LMO7: variants seen among roughly 807,000 people sequenced by gnomAD.
The protein encoded by LMO7 is LIM domain only protein 7.
LMO7 carries 120 observed loss-of-function variants against 206.5 expected under a neutral mutation model. The observed-to-expected ratio is 0.58, with a 90% CI of 0.50 to 0.68. The LOEUF (loss-of-function observed/expected upper bound fraction) is 0.68. Ranked by LOEUF, LMO7 falls within the 30% of genes least tolerant of loss-of-function variation. LMO7 has a pLI of 0.00. For synonymous variants in LMO7, 706 were observed against 681.5 expected (o/e 1.04, Z -0.56); for missense variants, 1,959 against 1,957.9 (o/e 1.00, Z -0.01).
intron 4 of LMO7, among the ~76,000 whole-genome samples, chr13:75,786,910 C>T (rs2052533596): frequency 6.6e-6 from 1 of 152,202 alleles, no homozygotes; most frequent in Admixed American, 6.5e-5. Context: ...AGTTACCTAG[C>T]ATTATCACCT....
chr13:75,675,336 A>T (rs945977838), intron 1 of LMO7, among the ~76,000 whole-genome samples: 1 of 152,112 alleles, frequency 6.6e-6, no homozygotes, highest in Non-Finnish European at 1.5e-5. Flanking sequence ...GACCTCCCAA[A>T]GTTTTGGGAT....
intron 15 of LMO7, among the ~76,000 whole-genome samples, chr13:75,828,045 A>G (rs1299274592): frequency 2.0e-5 from 3 of 152,344 alleles, no homozygotes; most frequent in Admixed American, 6.5e-5. Flanking sequence ...GCATCTGTAC[A>G]TGTTCACTGA....
At chr13:75,678,649 C>T (rs2040227787) in intron 1 of LMO7, among the ~76,000 whole-genome samples, 1 of 152,146 alleles carries the variant, frequency 6.6e-6, no homozygotes, top group Non-Finnish European at 1.5e-5. Flanking sequence ...ACCAGCTCTC[C>T]TCCTCTCAGT....
At position 75,699,660 on chromosome 13, in the gene LMO7, C is replaced by T. The variant is rs2042146066; in HGVS notation, c.70-13522C>T. Among the ~76,000 whole-genome samples, 3 of 152,108 alleles carry T rather than the reference C, an allele frequency of 2.0e-5. No individual in the cohort carries two copies. The South Asian group carries it at 6.2e-4, about 31-fold the overall frequency. ...GGGCGTGGGTCACAGAGATCGCATG[C>T]TTCAGAAGGCAATAAAATATCACAA... On this transcript the variant is annotated intron_variant, in intron 1 of 30. Coordinates refer to ENST00000377534, the MANE Select transcript of LMO7 (RefSeq NM_001306080.2).
intron 13 of LMO7, 83 bp from the exon 14 acceptor site, chr13:75,821,094 G>A (rs1258544754): frequency 7.8e-6 from 8 of 1,020,888 alleles, no homozygotes; most frequent in Middle Eastern, 2.1e-4. Flanking sequence ...TTCCCAGTCC[G>A]TTTCATGCGT....
intron 3 of LMO7, among the ~76,000 whole-genome samples, chr13:75,743,995 G>T (rs566180338): frequency 2.0e-5 from 3 of 152,164 alleles, no homozygotes; most frequent in Non-Finnish European, 4.4e-5. Flanking sequence ...TATCCAGTAT[G>T]AATAAACTGA....
intron 12 of LMO7, among the ~76,000 whole-genome samples, chr13:75,818,737 C>A (rs1039002124): frequency 6.6e-6 from 1 of 152,174 alleles, no homozygotes; most frequent in African/African-American, 2.4e-5. Flanking sequence ...TAAAGCCTTT[C>A]CAAAGCCTTC....
intron 3 of LMO7, among the ~76,000 whole-genome samples, chr13:75,735,227 G>A (rs2045691370): frequency 6.6e-6 from 1 of 150,854 alleles, no homozygotes; most frequent in African/African-American, 2.4e-5. Flanking sequence ...TCATTCTCAT[G>A]CTGTGACTCT....
At chr13:75,808,996 A>G (rs185054083) in intron 10 of LMO7, among the ~76,000 whole-genome samples, 158 bp from the exon 11 acceptor site, 19 of 152,362 alleles carry the variant, frequency 1.2e-4, no homozygotes, top group African/African-American at 1.9e-4. Context: ...TAGGAAATTG[A>G]TGAGAACTTG....
At chr13:75,655,841 C>G (rs556595184) in intron 1 of LMO7, among the ~76,000 whole-genome samples, 1 of 151,962 alleles carries the variant, frequency 6.6e-6, no homozygotes, top group East Asian at 1.9e-4. Context: ...GCTGCTGGGC[C>G]CCCTGAGGTG....
At chr13:75,750,793 G>A (rs1594733460) in intron 3 of LMO7, among the ~76,000 whole-genome samples, 1 of 152,274 alleles carries the variant, frequency 6.6e-6, no homozygotes, top group Admixed American at 6.5e-5. Context: ...GATGCTGATG[G>A]TCTGTGGCCA....
chr13:75,660,369 G>T (rs1004016699), intron 1 of LMO7, among the ~76,000 whole-genome samples: 5 of 152,138 alleles, frequency 3.3e-5, no homozygotes, highest in African/African-American at 1.2e-4. Flanking sequence ...CTATCCAGGG[G>T]TATATTTATC....
chr13:75,817,418 C>T (rs2057131280), intron 12 of LMO7, 140 bp downstream of exon 12: 2 of 528,556 alleles, frequency 3.8e-6, no homozygotes, highest in South Asian at 3.1e-5. Context: ...ACTTTCTTTA[C>T]AAAGATTTTT....
chr13:75,849,810 T>G (rs2060337719), intron 27 of LMO7, among the ~76,000 whole-genome samples: 1 of 152,156 alleles, frequency 6.6e-6, no homozygotes, highest in African/African-American at 2.4e-5. Context: ...TGCAGGAACA[T>G]TTTAAAAGAT....
chr13:75,657,942 T>C (rs2038211546), intron 1 of LMO7, among the ~76,000 whole-genome samples: 1 of 152,250 alleles, frequency 6.6e-6, no homozygotes, highest in Admixed American at 6.5e-5. Flanking sequence ...GATATTCTTC[T>C]ATATATCCTT....
intron 1 of LMO7, among the ~76,000 whole-genome samples, chr13:75,704,017 A>G (rs1237648738): frequency 1.3e-5 from 2 of 152,152 alleles, no homozygotes; most frequent in African/African-American, 2.4e-5. Context: ...TTTATTATAA[A>G]AATTTGATGT....
chr13:75,696,958 A>G (rs1052944073), intron 1 of LMO7, among the ~76,000 whole-genome samples: 3 of 152,058 alleles, frequency 2.0e-5, no homozygotes, highest in Non-Finnish European at 4.4e-5. Context: ...TTCTTTTTTA[A>G]AGGAAGCTGG....
At chr13:75,664,367 C>CT (rs2038910560) in intron 1 of LMO7, among the ~76,000 whole-genome samples, 1 of 152,120 alleles carries the variant, frequency 6.6e-6, no homozygotes, top group South Asian at 2.1e-4. Context: ...GTGTCTTGTT[C>CT]TTTTTTATGG....
At chr13:75,814,609 G>C (rs1326447282) in intron 11 of LMO7, among the ~76,000 whole-genome samples, 1 of 152,150 alleles carries the variant, frequency 6.6e-6, no homozygotes, top group East Asian at 1.9e-4. Context: ...TCAGGTACAG[G>C]TGATGTACCA....
Sources: allele counts gnomAD v4.1 joint callset (sites outside exome capture counted in the v4.1 genomes callset), GRCh38; gene constraint gnomAD v4.1.1; transcripts MANE v1.5; gene names NCBI Gene and HGNC (gene_info 2026-07-23, HGNC 2026-07-21).